HDGFL3: variants seen among roughly 807,000 people sequenced by gnomAD.
HDGFL3 encodes HDGF like 3, also known as hepatoma-derived growth factor-related protein 3.
A neutral mutation model predicts 27.6 loss-of-function variants in HDGFL3; 6 were observed. The ratio of observed to expected loss-of-function variants is 0.22; its 90% confidence interval spans 0.12 to 0.43. HDGFL3 has a LOEUF of 0.43. Ranked by LOEUF, HDGFL3 falls within the 20% of genes least tolerant of loss-of-function variation. HDGFL3 has a pLI of 1.00. For synonymous variants in HDGFL3, 88 were observed against 88.9 expected (o/e 0.99, Z 0.05); for missense variants, 207 against 250.1 (o/e 0.83, Z 1.16).
At chr15:83,194,081 G>T (rs1386539011) in intron 1 of HDGFL3, among the ~76,000 whole-genome samples, 4 of 152,086 alleles carry the variant, frequency 2.6e-5, no homozygotes, top group Admixed American at 6.5e-5. Flanking sequence ...CTACTCCAAA[G>T]AACAGAATGT....
Position 83,201,163 on chromosome 15 carries a change from C to T in HDGFL3, c.84+6168G>A, listed in dbSNP as rs557156176. Among the ~76,000 whole-genome samples the T allele has an allele frequency of 9.3e-5, 14 of 150,820 alleles. No homozygotes were observed. The South Asian group carries it at 2.9e-3, about 32-fold the overall frequency. ...AGATCCTTCATAGTCAGTACTTCTA[C>T]TCTACCTAGAGTGAATGACTAGTTT... On this transcript the variant is annotated intron_variant, in intron 1 of 5. Transcript: ENST00000299633.
chr15:83,181,511 T>C (rs2037381087), intron 1 of HDGFL3, among the ~76,000 whole-genome samples: 1 of 152,224 alleles, frequency 6.6e-6, no homozygotes, highest in African/African-American at 2.4e-5. Flanking sequence ...AGTCTCACTC[T>C]GTTGCCCAGG....
chr15:83,186,189 C>A (rs527694975), intron 1 of HDGFL3: 1 of 152,206 alleles, frequency 6.6e-6, no homozygotes, highest in African/African-American at 2.4e-5. Context: ...ACACAGAAAT[C>A]GTGACTAAAT....
intron 4 of HDGFL3, among the ~76,000 whole-genome samples, chr15:83,156,048 T>A (rs976986403): frequency 2.6e-5 from 4 of 152,192 alleles, no homozygotes; most frequent in Non-Finnish European, 5.9e-5. Flanking sequence ...TGGAATAAAA[T>A]CCAAATTTCT....
In HDGFL3 at chr15:83,122,093, C is replaced by G; in HGVS notation, c.394-6352G>C. The G allele has an allele frequency of 4.1e-6, 4 of 984,246 alleles. No homozygotes were observed. In the South Asian group the frequency reaches 5.9e-5, roughly 14 times the overall value. 61.0% of individuals were successfully genotyped at this position (984,246 alleles called of 1,614,324 possible). The stretch of plus-strand genomic sequence containing the variant: ...AGAAGCTCTTTTAGTTATAATAGAA[C>G]CAAGTGATTCCAAGCTTACTAAAAA... On this transcript the variant is annotated intron_variant, in intron 3 of 3. Coordinates refer to the HDGFL3 transcript ENST00000568294.
intron 2 of HDGFL3, among the ~76,000 whole-genome samples, chr15:83,161,818 T>A (rs950692514): frequency 7.9e-5 from 12 of 152,208 alleles, no homozygotes; most frequent in Non-Finnish European, 1.3e-4. Flanking sequence ...CTATATGTTT[T>A]AAAATTTTTT....
chr15:83,196,012 T>C (rs2037566654), intron 1 of HDGFL3, among the ~76,000 whole-genome samples: 2 of 151,946 alleles, frequency 1.3e-5, no homozygotes, highest in African/African-American at 4.8e-5. Flanking sequence ...TTACAAGTTA[T>C]ACACATTTAT....
At chr15:83,153,890 A>C (rs2036993882) in intron 4 of HDGFL3, among the ~76,000 whole-genome samples, 1 of 152,136 alleles carries the variant, frequency 6.6e-6, no homozygotes, top group Non-Finnish European at 1.5e-5. Context: ...TTCCTTAGAA[A>C]ACTGAAATTA....
chr15:83,156,957 A>G (rs1596551103), intron 4 of HDGFL3, among the ~76,000 whole-genome samples: 1 of 152,152 alleles, frequency 6.6e-6, no homozygotes, highest in South Asian at 2.1e-4. Context: ...TCAGCCTCCC[A>G]AACTGCTGAG....
chr15:83,148,052 C>T (rs12441585), intron 5 of HDGFL3, among the ~76,000 whole-genome samples: 57,504 of 152,014 alleles, frequency 0.38, 12,922 homozygotes, highest in African/African-American at 0.63. Context: ...AATCAGAGAA[C>T]TATAAATTAA....
chr15:83,186,705 G>A (rs1054917728), intron 1 of HDGFL3, among the ~76,000 whole-genome samples: 1 of 151,838 alleles, frequency 6.6e-6, no homozygotes, highest in Non-Finnish European at 1.5e-5. Flanking sequence ...ATACAGAGTG[G>A]TATAATGGAC....
chr15:83,205,714 T>C (rs1253810661), intron 1 of HDGFL3, among the ~76,000 whole-genome samples: 1 of 152,244 alleles, frequency 6.6e-6, no homozygotes, highest in South Asian at 2.1e-4. Flanking sequence ...TTTATACACA[T>C]ATGGCCCTAA....
chr15:83,157,308 A>G (rs1267894438), intron 4 of HDGFL3, 107 bp downstream of exon 4: 6 of 1,137,052 alleles, frequency 5.3e-6, no homozygotes, highest in Non-Finnish European at 6.4e-6. Flanking sequence ...GAGGCTCCAT[A>G]GAATTTAGTA....
At chr15:83,150,488 G>T (rs993796183) in intron 5 of HDGFL3, among the ~76,000 whole-genome samples, 5 of 152,162 alleles carry the variant, frequency 3.3e-5, no homozygotes, top group Non-Finnish European at 5.9e-5. Flanking sequence ...TGGGATGAAG[G>T]AAGAAAAGAG....
intron 1 of HDGFL3, among the ~76,000 whole-genome samples, chr15:83,189,073 C>G (rs555647975): frequency 6.6e-6 from 1 of 152,180 alleles, no homozygotes; most frequent in African/African-American, 2.4e-5. Flanking sequence ...AAACATGTCA[C>G]CAAACTAACC....
chr15:83,171,986 CA>C (rs1449389176), intron 1 of HDGFL3, among the ~76,000 whole-genome samples: 1 of 152,178 alleles, frequency 6.6e-6, no homozygotes, highest in Non-Finnish European at 1.5e-5. Context: ...AATTTATCAA[CA>C]AAATACTAAA....
chr15:83,140,453 AT>A (rs2036744883), intron 5 of HDGFL3, among the ~76,000 whole-genome samples: 1 of 150,850 alleles, frequency 6.6e-6, no homozygotes, highest in South Asian at 2.1e-4. Context: ...CATTAGAACA[AT>A]GAAAAATTGT....
intron 1 of HDGFL3, among the ~76,000 whole-genome samples, chr15:83,200,534 T>A (rs2037632236): frequency 6.6e-6 from 1 of 152,214 alleles, no homozygotes; most frequent in Non-Finnish European, 1.5e-5. Context: ...ATTGTATAAG[T>A]AAGAAGCTTT....
Position 83,127,762 on chromosome 15 carries a change from G to C in HDGFL3, c.*11508C>G. 3.0e-6 allele frequency: 1 copy of C among 331,046 alleles called. No homozygotes were observed. The highest frequency in any genetic ancestry group is 5.7e-6 in the Non-Finnish European group (1 of 176,778). 20.5% of individuals were successfully genotyped at this position (331,046 alleles called of 1,614,324 possible). A position where few individuals can be genotyped will look rare whatever the true frequency, so the allele number is the denominator to read the frequency against. On this transcript the variant is annotated 3_prime_UTR_variant, in exon 6 of 6. Transcript: ENST00000299633. The stretch of plus-strand genomic sequence containing the variant: ...GGTTACACACCCAGCATGTGGCATT[G>C]TTGTTTTATTGGACTGTTTCACAAT...
Sources: allele counts gnomAD v4.1 joint callset (sites outside exome capture counted in the v4.1 genomes callset), GRCh38; gene constraint gnomAD v4.1.1; transcripts MANE v1.5; gene names NCBI Gene and HGNC (gene_info 2026-07-23, HGNC 2026-07-21).